Variants in DDX60L observed in about 807,000 individuals in gnomAD.
DDX60L encodes DExD/H-box 60 like.
In DDX60L, 191 loss-of-function variants were observed where a neutral mutation model predicts 211.6. That is an observed-to-expected ratio of 0.90 (90% CI 0.80 to 1.02). The LOEUF is 1.02. Among genes scored for constraint, DDX60L ranks in the 50% least tolerant of loss-of-function variants. DDX60L has a pLI of 0.00. For missense variants in DDX60L, 2,007 were observed against 1,984.1 expected (o/e 1.01, Z -0.22); for synonymous variants, 706 against 694.1 (o/e 1.02, Z -0.27).
At chr4:168,381,383 C>A (rs987786734) in intron 30 of DDX60L, among the ~76,000 whole-genome samples, 1 of 152,140 alleles carries the variant, frequency 6.6e-6, no homozygotes, top group African/African-American at 2.4e-5. Context: ...AAGTGATCCT[C>A]CTGCCTCAGC....
At chr4:168,476,577 C>T (rs1007441216) in intron 1 of DDX60L, among the ~76,000 whole-genome samples, 24 of 152,158 alleles carry the variant, frequency 1.6e-4, no homozygotes, top group African/African-American at 5.5e-4. Context: ...AAGAGGGAAT[C>T]CTATAGATTA....
At chr4:168,361,287 G>T (rs1739070866) in intron 36 of DDX60L, 76 bp from the exon 37 acceptor site, 8 of 974,062 alleles carry the variant, frequency 8.2e-6, no homozygotes, top group African/African-American at 1.6e-5. Context: ...CTTTAATAGT[G>T]GTCTGTCCAT....
intron 25 of DDX60L, among the ~76,000 whole-genome samples, chr4:168,403,183 C>T (rs980300947): frequency 6.6e-6 from 1 of 152,230 alleles, no homozygotes; most frequent in African/African-American, 2.4e-5. Context: ...TTTGTGACTT[C>T]AGTCATACTA....
chr4:168,441,425 G>A lies in DDX60L; in HGVS notation c.1206C>T (p.His402=). 6.2e-7 allele frequency: 1 copy of A among 1,612,824 alleles called. No homozygotes were observed. The highest frequency in any genetic ancestry group is 8.5e-7 in the Non-Finnish European group (1 of 1,179,330). Residue 402 remains histidine, a synonymous_variant, in exon 10 of 38, where the codon CAC becomes CAT. Transcript: ENST00000682922. ...TTCCAACGTTAAATTCTTTAACCAG[G>A]TGTGACACAACATTCCACAGGTCTT... ...DYEDLWNVVS[H]LVKEFNVGKS...
intron 3 of DDX60L, 134 bp downstream of exon 3, chr4:168,472,321 C>T (rs1013563565): frequency 2.6e-5 from 17 of 666,502 alleles, no homozygotes; most frequent in African/African-American, 1.1e-4. Flanking sequence ...AAGAAGAGTG[C>T]GTTCCCATCA....
chr4:168,476,271 T>C (rs1258115762), intron 1 of DDX60L, among the ~76,000 whole-genome samples: 1 of 152,276 alleles, frequency 6.6e-6, no homozygotes, highest in East Asian at 1.9e-4. Flanking sequence ...AGTTTGTCTT[T>C]ACAGAAGTAA....
At chr4:168,376,569 C>T (rs1180815202) in intron 33 of DDX60L, among the ~76,000 whole-genome samples, 1 of 152,228 alleles carries the variant, frequency 6.6e-6, no homozygotes, top group East Asian at 1.9e-4. Context: ...CACAAGCCTA[C>T]TTCGGACTCA....
chr4:168,471,147 G>A (rs1188173013), intron 4 of DDX60L, among the ~76,000 whole-genome samples: 2 of 152,148 alleles, frequency 1.3e-5, no homozygotes, highest in African/African-American at 4.8e-5. Flanking sequence ...CTGCAAATAA[G>A]TACCGAACTC....
intron 28 of DDX60L, among the ~76,000 whole-genome samples, chr4:168,392,974 CT>C (rs1745115528): frequency 6.6e-6 from 1 of 151,946 alleles, no homozygotes; most frequent in Non-Finnish European, 1.5e-5. Flanking sequence ...TATTGAGCCA[CT>C]ACTATGTGAC....
intron 10 of DDX60L, among the ~76,000 whole-genome samples, chr4:168,434,125 T>G (rs937350051): frequency 2.0e-5 from 3 of 152,160 alleles, no homozygotes; most frequent in African/African-American, 4.8e-5. Context: ...TGTGTTTGTG[T>G]GTGTGTTGTG....
chr4:168,433,447 T>C (rs909075857), intron 10 of DDX60L, among the ~76,000 whole-genome samples: 1 of 152,054 alleles, frequency 6.6e-6, no homozygotes, highest in Non-Finnish European at 1.5e-5. Context: ...ATAACAGCAC[T>C]TGAAAAAAGA....
chr4:168,401,749 G>A (rs917102432), intron 25 of DDX60L, among the ~76,000 whole-genome samples: 2 of 152,160 alleles, frequency 1.3e-5, no homozygotes, highest in African/African-American at 4.8e-5. Flanking sequence ...TGAGGCCATG[G>A]ATTTACTAGC....
chr4:168,441,498 T>G lies in DDX60L; in HGVS notation c.1139-6A>C. The G allele has an allele frequency of 6.3e-7, 1 of 1,581,898 alleles. No homozygotes were observed. Among genetic ancestry groups the G allele is most frequent in the Non-Finnish European group, 8.6e-7 (1 of 1,164,856 alleles). Reference sequence around the variant, plus strand: ...TCCCAAATTCAAATGTGGTTCTGCATAACAATAAAAAATATTAAAATCTCA... The same window carrying G: ...TCCCAAATTCAAATGTGGTTCTGCAGAACAATAAAAAATATTAAAATCTCA... On this transcript the variant is annotated splice_region_variant and splice_polypyrimidine_tract_variant and intron_variant, in intron 9 of 37. Transcript: ENST00000682922.
chr4:168,480,212 GC>G (rs1561160631), intron 1 of DDX60L, 164 bp downstream of exon 1: 4 of 152,372 alleles, frequency 2.6e-5, no homozygotes. Context: ...CGAAGCTGCC[GC>G]CCGAGCCCAG....
rs993803841 is a variant in DDX60L, at chr4:168,379,718, G to A, written c.4221+8C>T. ...TACAGAGAACAAAAAGCCAAAGCAC[G>A]ATGATACCTCTTTGATAAGGAGCTG... is the stretch of plus-strand genomic sequence containing the variant. On this transcript the variant is annotated splice_region_variant and intron_variant, in intron 31 of 37. Transcript: ENST00000682922. The A allele has an allele frequency of 2.9e-5, 46 of 1,606,800 alleles. No individual in the cohort carries two copies. The highest frequency in any genetic ancestry group is 5.4e-5 in the African/African-American group (4 of 74,726).
chr4:168,409,248 G>A (rs1451294903), intron 22 of DDX60L, among the ~76,000 whole-genome samples: 2 of 152,130 alleles, frequency 1.3e-5, no homozygotes, highest in African/African-American at 4.8e-5. Context: ...GTCATACAGG[G>A]TCAGAACACA....
In DDX60L at chr4:168,430,560, T is replaced by C; in HGVS notation, c.1595A>G (p.Glu532Gly). 1 of 1,608,632 alleles carries C rather than the reference T, an allele frequency of 6.2e-7. No individual in the cohort carries two copies. The highest frequency in any genetic ancestry group is 2.2e-5 in the East Asian group (1 of 44,792). The change falls in exon 13 of 38, where the codon GAA (glutamate) becomes GGA (glycine). Residue 532 changes from glutamate to glycine, a missense_variant. Transcript: ENST00000682922. ...CACAATGACTTTCGTAGAGATTGAT[T>C]CTAACGATTTCCCATAAAATTGCTG... ...DYQQFYGKSL[E>G]SISTKVIVTQ...
chr4:168,405,466 T>C (rs1017760260), intron 24 of DDX60L, among the ~76,000 whole-genome samples: 4 of 152,250 alleles, frequency 2.6e-5, no homozygotes, highest in Admixed American at 2.6e-4. Context: ...ATCTATAAAT[T>C]TGCCTGAGCC....
At chr4:168,459,564 C>G (rs749659005) in intron 5 of DDX60L, among the ~76,000 whole-genome samples, 15 of 152,036 alleles carry the variant, frequency 9.9e-5, no homozygotes, top group Non-Finnish European at 1.9e-4. Context: ...CCAGCCTGGG[C>G]AACATGGTGA....
Sources: gnomAD v4.1 joint callset for allele counts (sites outside exome capture counted in the v4.1 genomes callset) on GRCh38, gnomAD v4.1.1 for gene constraint, MANE v1.5 for transcripts, NCBI Gene and HGNC (gene_info 2026-07-23, HGNC 2026-07-21) for gene names.